ZNF804B: variants seen among roughly 807,000 people sequenced by gnomAD.
ZNF804B encodes the protein zinc finger protein 804B, also known as zinc finger 804B.
In ZNF804B, 80 loss-of-function variants were observed where a neutral mutation model predicts 101.4. That is an observed-to-expected ratio of 0.79 (90% CI 0.66 to 0.95). The LOEUF (loss-of-function observed/expected upper bound fraction) is 0.95, where lower values mean the gene tolerates loss of function less well. Ranked by LOEUF, ZNF804B falls within the 40% of genes least tolerant of loss-of-function variation. The probability of loss-of-function intolerance (pLI) is 0.00; values close to 1 mark genes in which losing one functional copy is unlikely to be tolerated. For missense variants in ZNF804B, 1,673 were observed against 1,561.9 expected, an observed-to-expected ratio of 1.07 and a Z score of -1.20; for synonymous variants, 622 against 558.8, an observed-to-expected ratio of 1.11 and a Z score of -1.59.
At chr7:89,139,963 A>G (rs557881653) in intron 1 of ZNF804B, among the ~76,000 whole-genome samples, 2 of 152,206 alleles carry the variant, frequency 1.3e-5, no homozygotes, top group Non-Finnish European at 2.9e-5. Context: ...GACTATCTGT[A>G]GCAACTATAG....
intron 1 of ZNF804B, among the ~76,000 whole-genome samples, chr7:89,198,504 G>A (rs1465819326): frequency 6.6e-6 from 1 of 151,824 alleles, no homozygotes; most frequent in Non-Finnish European, 1.5e-5. Flanking sequence ...AACACTATAA[G>A]CTAGTGTGTT....
chr7:88,854,908 T>C (rs1791532131), intron 1 of ZNF804B, among the ~76,000 whole-genome samples: 1 of 151,854 alleles, frequency 6.6e-6, no homozygotes, highest in South Asian at 2.1e-4. Context: ...TCCAGCTTCA[T>C]CCATGTCCCT....
intron 1 of ZNF804B, among the ~76,000 whole-genome samples, chr7:88,886,565 G>A (rs1001771299): frequency 2.0e-5 from 3 of 152,102 alleles, no homozygotes; most frequent in African/African-American, 7.2e-5. Context: ...AATGATCTGA[G>A]TGCTAATATA....
chr7:89,122,017 ATATAAG>A (rs1441963996), intron 1 of ZNF804B, among the ~76,000 whole-genome samples: 2 of 151,634 alleles, frequency 1.3e-5, no homozygotes, highest in Non-Finnish European at 2.9e-5. Context: ...CTATATATGT[ATATAAG>A]TATATGTATA....
rs894963856 is a variant in ZNF804B at position 89,337,661 on chromosome 7, T to C, written c.*629T>C. Among the ~76,000 whole-genome samples, 1 of 152,122 alleles carries C rather than the reference T, an allele frequency of 6.6e-6. No homozygotes were observed. The highest frequency in any genetic ancestry group is 6.6e-5 in the Admixed American group (1 of 15,264). On this transcript the variant is annotated 3_prime_UTR_variant, in exon 4 of 4. Coordinates refer to ENST00000333190, the MANE Select transcript of ZNF804B (RefSeq NM_181646.5). ...TCTGTGAAAAATAAATTATCTTCATTTCACACAAATCTATGTCAAGATAAT... is the reference window on the plus strand; with the variant it reads ...TCTGTGAAAAATAAATTATCTTCATCTCACACAAATCTATGTCAAGATAAT...
At chr7:88,802,459 C>T (rs1790606651) in intron 1 of ZNF804B, among the ~76,000 whole-genome samples, 1 of 151,900 alleles carries the variant, frequency 6.6e-6, no homozygotes, top group Admixed American at 6.6e-5. Flanking sequence ...AAATTCTGTA[C>T]CACACTTACT....
In ZNF804B at chr7:88,934,133, T is replaced by G. The variant is rs1028822332; in HGVS notation, c.108+174049T>G. On this transcript the variant is annotated intron_variant, in intron 1 of 3. Coordinates refer to ENST00000333190, the MANE Select transcript of ZNF804B (RefSeq NM_181646.5). ...AAAGCCAAATAGAGCCAACTGATCT[T>G]CAACAAAGCATACAAAAACATAAAT... Among the ~76,000 whole-genome samples, 4 of 151,894 alleles carry G rather than the reference T, an allele frequency of 2.6e-5. No individual in the cohort carries two copies. The East Asian group carries it at 7.7e-4, about 29-fold the overall frequency.
chr7:89,254,655 T>TA (rs1789597851), intron 2 of ZNF804B, among the ~76,000 whole-genome samples: 1 of 150,160 alleles, frequency 6.7e-6, no homozygotes, highest in African/African-American at 2.5e-5. Flanking sequence ...TTTATTATTT[T>TA]TTTTTTTTGA....
intron 1 of ZNF804B, among the ~76,000 whole-genome samples, chr7:88,817,024 C>T (rs1440535045): frequency 2.6e-5 from 4 of 151,824 alleles, no homozygotes; most frequent in Non-Finnish European, 4.4e-5. Context: ...AAATGTGGCA[C>T]ATATACACCA....
chr7:89,142,642 C>T (rs184112328), intron 1 of ZNF804B, among the ~76,000 whole-genome samples: 277 of 152,082 alleles, frequency 1.8e-3, no homozygotes, highest in Non-Finnish European at 2.9e-3. Context: ...TCTACTGTTG[C>T]CTGTGGCTTG....
At chr7:89,047,097 C>T (rs12538305) in intron 1 of ZNF804B, among the ~76,000 whole-genome samples, 70,120 of 151,796 alleles carry the variant, frequency 0.46, 16,847 homozygotes, top group Non-Finnish European at 0.53. Flanking sequence ...TGTTTATCTG[C>T]AAGTTATGGA....
intron 1 of ZNF804B, among the ~76,000 whole-genome samples, chr7:88,805,827 C>T (rs796770276): frequency 2.0e-5 from 3 of 152,112 alleles, no homozygotes; most frequent in Non-Finnish European, 2.9e-5. Flanking sequence ...ATGACAAGTA[C>T]CTCTTAACTA....
At chr7:89,140,230 A>G (rs1049277326) in intron 1 of ZNF804B, among the ~76,000 whole-genome samples, 1 of 152,018 alleles carries the variant, frequency 6.6e-6, no homozygotes, top group Non-Finnish European at 1.5e-5. Context: ...GTTGCATTCC[A>G]GGATTTGTTC....
chr7:88,826,109 A>G (rs1378024620), intron 1 of ZNF804B, among the ~76,000 whole-genome samples: 3 of 152,202 alleles, frequency 2.0e-5, no homozygotes, highest in Admixed American at 2.0e-4. Context: ...AATTATGTTG[A>G]AAAAGAAAAT....
chr7:89,038,862 A>T (rs1407160128), intron 1 of ZNF804B, among the ~76,000 whole-genome samples: 1 of 152,032 alleles, frequency 6.6e-6, no homozygotes, highest in Non-Finnish European at 1.5e-5. Context: ...GTACAATTTA[A>T]TTCTTCTGGA....
chr7:88,818,178 A>G (rs1289256417), intron 1 of ZNF804B, among the ~76,000 whole-genome samples: 1 of 152,206 alleles, frequency 6.6e-6, no homozygotes, highest in Non-Finnish European at 1.5e-5. Context: ...TAAATGTTTT[A>G]TTAAATGTCC....
intron 1 of ZNF804B, among the ~76,000 whole-genome samples, chr7:89,154,357 A>G (rs1171248268): frequency 6.6e-6 from 1 of 152,166 alleles, no homozygotes; most frequent in Non-Finnish European, 1.5e-5. Flanking sequence ...GAGCTACCAT[A>G]TGATCCAGCA....
chr7:88,761,868 C>T (rs990558292), intron 1 of ZNF804B, among the ~76,000 whole-genome samples: 1 of 152,124 alleles, frequency 6.6e-6, no homozygotes, highest in African/African-American at 2.4e-5. Context: ...GTTACATGGT[C>T]AAAAAGTGTC....
chr7:89,229,096 G>A (rs914579954), intron 2 of ZNF804B, among the ~76,000 whole-genome samples: 8 of 152,188 alleles, frequency 5.3e-5, no homozygotes, highest in Non-Finnish European at 7.3e-5. Context: ...CCCGGTTCCC[G>A]CCCGCGCCTC....
Sources: allele counts gnomAD v4.1 joint callset (sites outside exome capture counted in the v4.1 genomes callset), GRCh38; gene constraint gnomAD v4.1.1; transcripts MANE v1.5; gene names NCBI Gene and HGNC (gene_info 2026-07-23, HGNC 2026-07-21).